XPO6: variants seen among roughly 807,000 people sequenced by gnomAD.
XPO6 encodes the protein exportin-6.
Under a neutral mutation model 130.0 loss-of-function variants are expected in XPO6, and 3 were observed. The observed-to-expected ratio is 0.02, with a 90% CI of 0.01 to 0.06. The LOEUF is 0.06. Ranked by LOEUF, XPO6 falls within the 10% of genes least tolerant of loss-of-function variation. The probability of loss-of-function intolerance (pLI) is 1.00; values close to 1 mark genes in which losing one functional copy is unlikely to be tolerated. For synonymous variants in XPO6, 524 were observed against 548.9 expected (o/e 0.95, Z 0.63); for missense variants, 970 against 1,393.0 (o/e 0.70, Z 4.83).
At chr16:28,151,412 C>T (rs766783826) in intron 8 of XPO6, among the ~76,000 whole-genome samples, 9 of 152,196 alleles carry the variant, frequency 5.9e-5, no homozygotes, top group Admixed American at 1.3e-4. Context: ...GACTGCCACA[C>T]ACAACGCAAA....
rs367992543 is a variant in XPO6 at position 28,106,165 on chromosome 16, C to T, written c.2662G>A (p.Val888Met). The change falls in exon 20 of 24, where the codon GTG becomes ATG. Residue 888 changes from valine (V) to methionine (M), a missense_variant. Around this residue, in one of 4 missense-constraint regions of XPO6, gnomAD observed 936 missense variants for 1,306.8 expected, o/e 0.72. Transcript: ENST00000304658. The surrounding 1 kb of genome is among the most constrained non-coding windows in gnomAD (Gnocchi z 4.2). ...AGGATCTTCAGAAACTTCTCCACCACCCGGCAGCCTGTGCTGCCCTCGTGG... is the reference window on the plus strand; with the variant it reads ...AGGATCTTCAGAAACTTCTCCACCATCCGGCAGCCTGTGCTGCCCTCGTGG... ...ILHEGSTGCR[V>M]VEKFLKILQV... is the part of the protein sequence containing the mutation. 4.3e-6 allele frequency: 7 copies of T among 1,614,076 alleles called. No homozygotes were observed. Among genetic ancestry groups the T allele is most frequent in the Non-Finnish European group, 5.1e-6 (6 of 1,180,056 alleles).
At chr16:28,157,506 T>C (rs948425273) in intron 6 of XPO6, among the ~76,000 whole-genome samples, 17 of 151,714 alleles carry the variant, frequency 1.1e-4, no homozygotes, top group Admixed American at 4.6e-4. Context: ...ATGAAAAACA[T>C]TAAGGGAAAG....
chr16:28,112,997 G>A lies in XPO6; in HGVS notation c.2058C>T (p.Thr686=). 6.2e-7 allele frequency: 1 copy of A among 1,614,104 alleles called. No individual in the cohort carries two copies. The highest frequency in any genetic ancestry group is 8.5e-7 in the Non-Finnish European group (1 of 1,180,016). ...SACHLLVSLA[T]TVRPVFLISI... ...TGATCAGAAAGACGGGCCGCACGGT[G>A]GTGGCCAGTGAGACCAGTAAGTGGC... Residue 686 remains threonine, a synonymous_variant, in exon 16 of 24, where the codon ACC becomes ACT. Coordinates refer to ENST00000304658, the MANE Select transcript of XPO6 (RefSeq NM_015171.4).
At chr16:28,112,738 T>C (rs2086957080) in intron 16 of XPO6, among the ~76,000 whole-genome samples, 166 bp downstream of exon 16, 1 of 152,256 alleles carries the variant, frequency 6.6e-6, no homozygotes, top group Non-Finnish European at 1.5e-5. Context: ...ATGGGCACGA[T>C]GAGAATCACT....
chr16:28,132,884 T>A lies in XPO6; in HGVS notation c.1537-481A>T, dbSNP rs557619503. On this transcript the variant is annotated intron_variant, in intron 11 of 23. Transcript: ENST00000304658. The surrounding 1 kb of genome is among the most constrained non-coding windows in gnomAD (Gnocchi z 4.0). Reference sequence around the variant, plus strand: ...TTGGAAGTCAGTTCCCTGGCTCAAGTAGCGGTCAGAACGTCATAACCGGAG... The same window carrying A: ...TTGGAAGTCAGTTCCCTGGCTCAAGAAGCGGTCAGAACGTCATAACCGGAG... Among the ~76,000 whole-genome samples, 1 of 152,218 alleles carries A rather than the reference T, an allele frequency of 6.6e-6. No individual in the cohort carries two copies.
chr16:28,174,420 C>T (rs758296422), intron 4 of XPO6, among the ~76,000 whole-genome samples: 1 of 152,116 alleles, frequency 6.6e-6, no homozygotes, highest in African/African-American at 2.4e-5. Flanking sequence ...CAAGTGTGTA[C>T]CTGTTTATTG....
In XPO6 at chr16:28,106,179, C is replaced by G. The variant is rs749372368; in HGVS notation, c.2648G>C (p.Ser883Thr). 1.9e-6 allele frequency: 3 copies of G among 1,614,066 alleles called. No homozygotes were observed. The East Asian group carries it at 6.7e-5, about 36-fold the overall frequency. Reference sequence around the variant, plus strand: ...CTTCTCCACCACCCGGCAGCCTGTGCTGCCCTCGTGGAGGATGCTCTCGGC... The same window carrying G: ...CTTCTCCACCACCCGGCAGCCTGTGGTGCCCTCGTGGAGGATGCTCTCGGC... Reference protein sequence around the residue: ...QLAESILHEGSTGCRVVEKFL... With the variant: ...QLAESILHEGTTGCRVVEKFL... The change falls in exon 20 of 24, where the codon AGC (serine) becomes ACC (threonine). Residue 883 changes from serine (S) to threonine (T), a missense_variant. Ser to Thr is a moderately conservative substitution (Grantham distance 58). This residue lies in a region of XPO6 where 936 missense variants were observed against 1,306.8 expected (regional missense o/e 0.72). Transcript: ENST00000304658. The surrounding 1 kb of genome is among the most constrained non-coding windows in gnomAD (Gnocchi z 4.2).
chr16:28,127,148 C>T (rs1435151415), intron 12 of XPO6, among the ~76,000 whole-genome samples: 3 of 152,190 alleles, frequency 2.0e-5, no homozygotes, highest in Admixed American at 1.3e-4. Flanking sequence ...CTCATGGCCT[C>T]GCCACCTTCT....
chr16:28,176,310 G>T (rs1596936045), intron 3 of XPO6, among the ~76,000 whole-genome samples: 1 of 152,244 alleles, frequency 6.6e-6, no homozygotes, highest in African/African-American at 2.4e-5. Flanking sequence ...GAAACAAAAA[G>T]CTGTATGTGC....
chr16:28,129,325 A>G (rs2042621655), intron 12 of XPO6, among the ~76,000 whole-genome samples: 1 of 152,224 alleles, frequency 6.6e-6, no homozygotes, highest in Non-Finnish European at 1.5e-5. Flanking sequence ...GGCATCAAGT[A>G]AACTTGAGGG....
In XPO6 at chr16:28,199,879, G is replaced by A. The variant is rs907008828; in HGVS notation, c.3+11487C>T. Among the ~76,000 whole-genome samples the A allele has an allele frequency of 6.6e-5, 10 of 151,592 alleles. No individual in the cohort carries two copies. The East Asian group carries it at 1.2e-3, about 18-fold the overall frequency. On this transcript the variant is annotated intron_variant, in intron 1 of 23. Coordinates refer to ENST00000304658, the MANE Select transcript of XPO6 (RefSeq NM_015171.4). ...TTTTTTAAAAGGCCTTCCCTGGGCC[G>A]GGCACGGTGGCTCACTCCTGTAATC...
intron 13 of XPO6, among the ~76,000 whole-genome samples, chr16:28,122,312 G>A (rs2087264411): frequency 6.6e-6 from 1 of 152,016 alleles, no homozygotes; most frequent in South Asian, 2.1e-4. Flanking sequence ...TATAAATGAG[G>A]AGAATAAAAA....
intron 9 of XPO6, among the ~76,000 whole-genome samples, chr16:28,144,739 T>TGCA (rs1335211714): frequency 2.0e-5 from 3 of 152,218 alleles, no homozygotes; most frequent in Non-Finnish European, 4.4e-5. Flanking sequence ...GGTGAACACT[T>TGCA]GCAGTGTGCC....
chr16:28,189,943 T>C (rs2043759048), intron 1 of XPO6, among the ~76,000 whole-genome samples: 1 of 152,256 alleles, frequency 6.6e-6, no homozygotes, highest in Non-Finnish European at 1.5e-5. Context: ...CCCAGTCAGA[T>C]TGTCTGTCTC....
At chr16:28,153,625 C>T (rs1468282407) in intron 7 of XPO6, 1 of 985,300 alleles carries the variant, frequency 1.0e-6, no homozygotes, top group Non-Finnish European at 1.2e-6. Flanking sequence ...ATCACTCTCA[C>T]ATTTCAGAAA....
At chr16:28,133,748 G>A in intron 11 of XPO6, 93 bp downstream of exon 11, 1 of 1,102,556 alleles carries the variant, frequency 9.1e-7, no homozygotes, top group Non-Finnish European at 1.3e-6. Flanking sequence ...AGGGGAAAGA[G>A]GGGAGAGAGA....
chr16:28,183,442 A>T (rs1265652700), intron 1 of XPO6: 1 of 152,008 alleles, frequency 6.6e-6, no homozygotes, highest in South Asian at 2.1e-4. Flanking sequence ...AAAAAAAAAA[A>T]AAAAAAACCC....
chr16:28,157,374 G>T (rs528069499), intron 6 of XPO6, among the ~76,000 whole-genome samples: 1 of 150,580 alleles, frequency 6.6e-6, no homozygotes, highest in South Asian at 2.2e-4. Context: ...AGAATCGCTT[G>T]AACCCAGGAG....
rs757405019 is a variant in XPO6 at position 28,156,328 on chromosome 16, G to C, written c.843C>G (p.Gly281=). The stretch of plus-strand genomic sequence containing the variant: ...CCATCTTTCTGGCCCGGATGTCACA[G>C]CCAAATCGTGCAAAGTGGAAGATGG... ...LTTIFHFARF[G]CDIRARKMAS... is the part of the protein sequence containing the mutation. Residue 281 remains glycine, a synonymous_variant, in exon 7 of 24, where the codon GGC becomes GGG. Transcript: ENST00000304658. 5 of 1,614,074 alleles carry C rather than the reference G, an allele frequency of 3.1e-6. No homozygotes were observed. Among genetic ancestry groups the C allele is most frequent in the Non-Finnish European group, 3.4e-6 (4 of 1,180,008 alleles).
Sources: gnomAD v4.1 joint callset for allele counts (sites outside exome capture counted in the v4.1 genomes callset) on GRCh38, gnomAD v4.1.1 for gene constraint, gnomAD v4.1.1 regional missense constraint, Gnocchi (gnomAD v3.1) non-coding constraint, MANE v1.5 for transcripts, NCBI Gene and HGNC (gene_info 2026-07-23, HGNC 2026-07-21) for gene names.